PPP1R42: variants seen among roughly 807,000 people sequenced by gnomAD.
PPP1R42 encodes the protein leucine rich repeat containing 67.
A neutral mutation model predicts 31.0 loss-of-function variants in PPP1R42; 34 were observed. That is an observed-to-expected ratio of 1.10 (90% CI 0.83 to 1.46). The LOEUF (loss-of-function observed/expected upper bound fraction) is 1.46. Ranked by LOEUF, PPP1R42 falls within the 40% of genes most tolerant of loss-of-function variation. The pLI is 0.00. For synonymous variants in PPP1R42, 103 were observed against 109.8 expected, an observed-to-expected ratio of 0.94 and a Z score of 0.39; for missense variants, 268 against 303.0, an observed-to-expected ratio of 0.88 and a Z score of 0.86.
chr8:67,017,211 C>T (rs112303361), intron 2 of PPP1R42, among the ~76,000 whole-genome samples: 3,025 of 152,164 alleles, frequency 0.02, 70 homozygotes, highest in South Asian at 0.046. Flanking sequence ...CAGTGGCTTG[C>T]GTGTGTAATC....
At chr8:67,004,254 C>CCTTGGA (rs1815603745) in intron 5 of PPP1R42, among the ~76,000 whole-genome samples, 3 of 152,232 alleles carry the variant, frequency 2.0e-5, no homozygotes, top group Non-Finnish European at 4.4e-5. Context: ...ATCTTGGAAG[C>CCTTGGA]AGAGAGCAGC....
Position 66,982,378 on chromosome 8 carries a change from G to T in PPP1R42, c.671-198C>A, listed in dbSNP as rs76513372. Among the ~76,000 whole-genome samples, 16 of 152,128 alleles carry T rather than the reference G, an allele frequency of 1.1e-4. No homozygotes were observed. The East Asian group carries it at 2.7e-3, about 26-fold the overall frequency. ...ATAGATTTTTTTCTGATTCCAAAAAGAATATGTGCTTGTTATAAACAATGG... is the reference window on the plus strand; with the variant it reads ...ATAGATTTTTTTCTGATTCCAAAAATAATATGTGCTTGTTATAAACAATGG... On this transcript the variant is annotated intron_variant, in intron 6 of 7. Transcript: ENST00000685739.
intron 7 of PPP1R42, among the ~76,000 whole-genome samples, chr8:66,967,972 G>A (rs189972550): frequency 1.3e-4 from 19 of 151,564 alleles, no homozygotes; most frequent in Non-Finnish European, 7.4e-5. Context: ...TAAGGCTCAG[G>A]CACCTCCTAG....
At chr8:66,980,453 T>G (rs1258211340) in intron 7 of PPP1R42, among the ~76,000 whole-genome samples, 2 of 152,118 alleles carry the variant, frequency 1.3e-5, no homozygotes, top group African/African-American at 2.4e-5. Flanking sequence ...GATCTTGAAC[T>G]CCTAGGCTCA....
At chr8:67,001,741 A>G (rs1815497745) in intron 5 of PPP1R42, among the ~76,000 whole-genome samples, 1 of 152,146 alleles carries the variant, frequency 6.6e-6, no homozygotes, top group Non-Finnish European at 1.5e-5. Context: ...CATTTGTGCT[A>G]TTGTTAGTTT....
At chr8:67,010,046 T>C (rs1815798519) in intron 5 of PPP1R42, among the ~76,000 whole-genome samples, 1 of 152,238 alleles carries the variant, frequency 6.6e-6, no homozygotes, top group Admixed American at 6.5e-5. Context: ...AAGCCTTCTA[T>C]AGCCCTAGGC....
intron 6 of PPP1R42, chr8:66,984,766 G>T: frequency 6.2e-7 from 1 of 1,608,642 alleles, no homozygotes; most frequent in Non-Finnish European, 8.5e-7. Flanking sequence ...AACAGCTTCT[G>T]TTCCTAATAC....
At chr8:67,026,312 T>C (rs1424795072) in intron 1 of PPP1R42, among the ~76,000 whole-genome samples, 1 of 150,404 alleles carries the variant, frequency 6.6e-6, no homozygotes, top group Non-Finnish European at 1.5e-5. Context: ...CACTCCAGAC[T>C]GGGCAACAAG....
At chr8:66,976,286 G>A (rs933124821) in intron 7 of PPP1R42, among the ~76,000 whole-genome samples, 2 of 152,048 alleles carry the variant, frequency 1.3e-5, no homozygotes, top group African/African-American at 4.8e-5. Context: ...CTGCGTTATG[G>A]TGAATTACGA....
intron 5 of PPP1R42, among the ~76,000 whole-genome samples, chr8:66,993,587 T>A (rs1054592949): frequency 6.6e-6 from 1 of 152,218 alleles, no homozygotes; most frequent in Admixed American, 6.5e-5. Context: ...TAGAGAAGCC[T>A]TTAGTGACCT....
intron 1 of PPP1R42, among the ~76,000 whole-genome samples, chr8:67,018,421 T>A (rs556404907): frequency 6.6e-6 from 1 of 151,854 alleles, no homozygotes; most frequent in South Asian, 2.1e-4. Flanking sequence ...CCCGACCTCT[T>A]TTTTCTTTTA....
chr8:67,008,753 A>T (rs1015602740), intron 5 of PPP1R42, among the ~76,000 whole-genome samples: 5 of 151,956 alleles, frequency 3.3e-5, no homozygotes, highest in African/African-American at 1.2e-4. Flanking sequence ...TCATTAGAAT[A>T]ATAAGCAACA....
At chr8:67,024,360 C>T (rs1255249043) in intron 1 of PPP1R42, among the ~76,000 whole-genome samples, 1 of 152,242 alleles carries the variant, frequency 6.6e-6, no homozygotes, top group East Asian at 1.9e-4. Context: ...GTCATTCAGG[C>T]TGGAGTACAG....
chr8:67,017,756 T>A lies in PPP1R42; in HGVS notation c.-9A>T. The A allele has an allele frequency of 6.4e-7, 1 of 1,573,544 alleles. No individual in the cohort carries two copies. Among genetic ancestry groups the A allele is most frequent in the African/African-American group, 1.4e-5 (1 of 73,354 alleles). On this transcript the variant is annotated 5_prime_UTR_variant, in exon 2 of 8. Coordinates refer to ENST00000685739, the MANE Select transcript of PPP1R42 (RefSeq NM_001364910.1). ...AAGGTCAGTCGAACCATAATTTCTT[T>A]ATAAATCAAACTCTCAGCAAAAGCT... is the stretch of plus-strand genomic sequence containing the variant.
chr8:66,981,896 T>C (rs1003670963), intron 7 of PPP1R42, 153 bp downstream of exon 7: 11 of 718,628 alleles, frequency 1.5e-5, no homozygotes, highest in Middle Eastern at 4.5e-4. Context: ...ATTGTACTTA[T>C]GTACAACTAA....
At chr8:67,012,214 C>T (rs534935967) in intron 4 of PPP1R42, among the ~76,000 whole-genome samples, 9 of 151,786 alleles carry the variant, frequency 5.9e-5, no homozygotes, top group Non-Finnish European at 8.8e-5. Context: ...CCAGCTTGGG[C>T]GACAGGGTTT....
At position 66,982,126 on chromosome 8, in the gene PPP1R42, C is replaced by T; in HGVS notation, c.725G>A (p.Trp242Ter). ...TTTCTTGGCATCTTTGGATGCTTTCCAATTCATTAGGAATTGTCTTTCTAT... is the reference window on the plus strand; with the variant it reads ...TTTCTTGGCATCTTTGGATGCTTTCTAATTCATTAGGAATTGTCTTTCTAT... ...KNIERQFLMN[W>*]KASKDAKKIS... The change falls in exon 7 of 8, where the codon TGG becomes TAG. Residue 242 changes from tryptophan (W) to a stop codon, truncating the protein, a stop_gained. Transcript: ENST00000685739. LOFTEE classifies it high-confidence loss of function. 1 of 1,482,588 alleles carries T rather than the reference C, an allele frequency of 6.7e-7. No homozygotes were observed. Among genetic ancestry groups the T allele is most frequent in the South Asian group, 1.4e-5 (1 of 73,318 alleles). The allele number at this position is 1,482,588 out of a possible 1,614,324, so 91.8% of individuals were successfully genotyped here.
intron 6 of PPP1R42, chr8:66,985,285 C>A: frequency 2.2e-6 from 2 of 920,866 alleles, no homozygotes; most frequent in Non-Finnish European, 3.5e-6. Flanking sequence ...AGTGGAGACT[C>A]GGGGTCAAAA....
chr8:67,009,460 C>T (rs753917132), intron 5 of PPP1R42, among the ~76,000 whole-genome samples: 2 of 151,658 alleles, frequency 1.3e-5, no homozygotes, highest in African/African-American at 2.4e-5. Flanking sequence ...CCCAGATACT[C>T]GGGAGGCTGA....
Sources: allele counts gnomAD v4.1 joint callset (sites outside exome capture counted in the v4.1 genomes callset), GRCh38; gene constraint gnomAD v4.1.1; transcripts MANE v1.5; gene names NCBI Gene and HGNC (gene_info 2026-07-23, HGNC 2026-07-21).